FARP1: variants seen among roughly 807,000 people sequenced by gnomAD.
The protein encoded by FARP1 is FERM, ARH/RhoGEF and pleckstrin domain protein 1, also known as FERM, ARHGEF and pleckstrin domain-containing protein 1.
In FARP1, 52 loss-of-function variants were observed where a neutral mutation model predicts 128.8. That is an observed-to-expected ratio of 0.40 (90% CI 0.32 to 0.51). FARP1 has a LOEUF of 0.51. Ranked by LOEUF, FARP1 falls within the 20% of genes least tolerant of loss-of-function variation. The pLI is 0.45. For missense variants in FARP1, 1,333 were observed against 1,367.9 expected (o/e 0.97, Z 0.40); for synonymous variants, 580 against 551.8 (o/e 1.05, Z -0.72).
At chr13:98,390,767 A>G (rs771471862) in intron 10 of FARP1, 45 bp from the exon 11 acceptor site, 3 of 1,406,252 alleles carry the variant, frequency 2.1e-6, no homozygotes, top group Admixed American at 3.4e-5. Flanking sequence ...TTAAATGAGA[A>G]TGCCTTGGTA....
intron 2 of FARP1, among the ~76,000 whole-genome samples, chr13:98,260,451 C>G (rs1031633946): frequency 1.3e-5 from 2 of 152,196 alleles, no homozygotes; most frequent in African/African-American, 4.8e-5. Context: ...CTGAGTTTAG[C>G]CTTTGCAGAT....
At chr13:98,355,408 T>C (rs978247116) in intron 3 of FARP1, among the ~76,000 whole-genome samples, 1 of 152,192 alleles carries the variant, frequency 6.6e-6, no homozygotes, top group Admixed American at 6.5e-5. Flanking sequence ...TTCATACACA[T>C]CACATATAAT....
intron 2 of FARP1, among the ~76,000 whole-genome samples, chr13:98,308,402 G>A (rs113096406): frequency 2.0e-5 from 3 of 152,144 alleles, no homozygotes; most frequent in African/African-American, 4.8e-5. Flanking sequence ...ACTGACAAAC[G>A]TGGTACCCCC....
intron 24 of FARP1, chr13:98,445,866 G>A (rs1292103702): frequency 1.8e-5 from 8 of 441,972 alleles, no homozygotes; most frequent in Non-Finnish European, 3.3e-5. Flanking sequence ...CGTGTCTTTT[G>A]GGGGGACACA....
At chr13:98,442,487 C>T (rs771410319) in intron 24 of FARP1, among the ~76,000 whole-genome samples, 16 of 152,356 alleles carry the variant, frequency 1.1e-4, no homozygotes, top group Non-Finnish European at 1.3e-4. Flanking sequence ...CACAGCCTTT[C>T]TTCCCAGCTG....
At chr13:98,239,318 C>G (rs1285935341) in intron 2 of FARP1, among the ~76,000 whole-genome samples, 3 of 152,218 alleles carry the variant, frequency 2.0e-5, no homozygotes, top group Non-Finnish European at 4.4e-5. Flanking sequence ...AGCCCACATC[C>G]AGGTTCAGCC....
At chr13:98,177,090 G>C in intron 1 of FARP1, 6 of 1,598,906 alleles carry the variant, frequency 3.8e-6, no homozygotes, top group Middle Eastern at 1.8e-4. Context: ...CCTCGTCCCC[G>C]CTGCTGCTGC....
intron 2 of FARP1, among the ~76,000 whole-genome samples, chr13:98,320,051 C>T (rs1204464660): frequency 6.6e-6 from 1 of 152,220 alleles, no homozygotes; most frequent in Admixed American, 6.5e-5. Flanking sequence ...GTTACGTGAG[C>T]CAGGCCTGTG....
At chr13:98,400,757 G>A (rs190230457) in intron 13 of FARP1, 7 of 152,254 alleles carry the variant, frequency 4.6e-5, no homozygotes, top group African/African-American at 9.6e-5. Context: ...TCCTCTGATG[G>A]TCATGGACTT....
At chr13:98,248,979 T>C (rs1566792449) in intron 2 of FARP1, among the ~76,000 whole-genome samples, 1 of 152,168 alleles carries the variant, frequency 6.6e-6, no homozygotes, top group African/African-American at 2.4e-5. Flanking sequence ...TACTGGCCAT[T>C]AATTCAACAT....
chr13:98,335,210 A>C (rs1462738102), intron 2 of FARP1, among the ~76,000 whole-genome samples: 1 of 152,214 alleles, frequency 6.6e-6, no homozygotes, highest in Non-Finnish European at 1.5e-5. Context: ...CATCGACGGA[A>C]GTAGTCCATT....
chr13:98,146,352 C>T (rs2072877028), intron 1 of FARP1, among the ~76,000 whole-genome samples: 1 of 152,222 alleles, frequency 6.6e-6, no homozygotes. Context: ...CCTCAGCCTC[C>T]CCAGTAGCTG....
rs1471026258 is a variant in FARP1, at chr13:98,449,022, G to C, written c.*705G>C. On this transcript the variant is annotated 3_prime_UTR_variant, in exon 27 of 27. Coordinates refer to ENST00000319562, the MANE Select transcript of FARP1 (RefSeq NM_005766.4). ...GCAGGGTTGTTTTCTGTTAAGCAAAGCCGAGATCCAGTGCAATACCTGGAC... is the reference window on the plus strand; with the variant it reads ...GCAGGGTTGTTTTCTGTTAAGCAAACCCGAGATCCAGTGCAATACCTGGAC... 2.6e-5 allele frequency: 4 copies of C among 152,326 alleles called. No individual in the cohort carries two copies. Among genetic ancestry groups the C allele is most frequent in the East Asian group, 3.9e-4 (2 of 5,176 alleles). The allele number at this position is 152,326 out of a possible 1,614,324, so 9.4% of individuals were successfully genotyped here. A position where few individuals can be genotyped will look rare whatever the true frequency, so the allele number is the denominator to read the frequency against.
chr13:98,211,886 G>A (rs1018521977), intron 1 of FARP1, among the ~76,000 whole-genome samples: 1 of 152,210 alleles, frequency 6.6e-6, no homozygotes, highest in Non-Finnish European at 1.5e-5. Flanking sequence ...GTGAGGCATT[G>A]TGCCTAGGTA....
intron 2 of FARP1, among the ~76,000 whole-genome samples, chr13:98,304,886 A>G (rs1227875313): frequency 6.6e-6 from 1 of 152,184 alleles, no homozygotes; most frequent in African/African-American, 2.4e-5. Flanking sequence ...ATTTAACCTT[A>G]AAGAATATAA....
chr13:98,300,441 C>T (rs1885876344), intron 2 of FARP1, among the ~76,000 whole-genome samples: 1 of 152,184 alleles, frequency 6.6e-6, no homozygotes, highest in Non-Finnish European at 1.5e-5. Flanking sequence ...TTTGGGAGCC[C>T]TCTTGGTTTG....
At chr13:98,177,940 T>A (rs1878216239) in intron 1 of FARP1, 1 of 152,190 alleles carries the variant, frequency 6.6e-6, no homozygotes, top group African/African-American at 2.4e-5. Flanking sequence ...GTAAGACGCC[T>A]ATAATCCCTC....
At chr13:98,319,556 G>A (rs1253048044) in intron 2 of FARP1, among the ~76,000 whole-genome samples, 1 of 152,148 alleles carries the variant, frequency 6.6e-6, no homozygotes, top group Non-Finnish European at 1.5e-5. Context: ...GGAGGCGGAG[G>A]TTGCAGTGAG....
At position 98,347,737 on chromosome 13, in the gene FARP1, C is replaced by A. The variant is rs150901463; in HGVS notation, c.276+3871C>A. Among the ~76,000 whole-genome samples, 16 of 152,284 alleles carry A rather than the reference C, an allele frequency of 1.1e-4. No individual in the cohort carries two copies. The East Asian group carries it at 3.1e-3, about 29-fold the overall frequency. ...CACTATTATTTTTTAATATCACCAT[C>A]GTGACTGTCACCTCTGCCAGTCTTC... is the stretch of plus-strand genomic sequence containing the variant. On this transcript the variant is annotated intron_variant, in intron 3 of 26. Transcript: ENST00000319562.
Sources: allele counts gnomAD v4.1 joint callset (sites outside exome capture counted in the v4.1 genomes callset), GRCh38; gene constraint gnomAD v4.1.1; transcripts MANE v1.5; gene names NCBI Gene and HGNC (gene_info 2026-07-23, HGNC 2026-07-21).